DNER: variants seen among roughly 807,000 people sequenced by gnomAD.
DNER encodes the protein delta and Notch-like epidermal growth factor-related receptor.
A neutral mutation model predicts 78.2 loss-of-function variants in DNER; 33 were observed. The observed-to-expected ratio is 0.42, with a 90% CI of 0.32 to 0.56. The LOEUF is 0.56. Ranked by LOEUF, DNER falls within the 20% of genes least tolerant of loss-of-function variation. DNER has a pLI of 0.11. For missense variants in DNER, 918 were observed against 975.3 expected, an observed-to-expected ratio of 0.94 and a Z score of 0.78; for synonymous variants, 417 against 384.8, an observed-to-expected ratio of 1.08 and a Z score of -0.98.
At chr2:229,428,835 G>A (rs1693942727) in intron 8 of DNER, among the ~76,000 whole-genome samples, 1 of 152,170 alleles carries the variant, frequency 6.6e-6, no homozygotes, top group African/African-American at 2.4e-5. Flanking sequence ...GGCAGAAAAA[G>A]AGAGAGCAGG....
intron 1 of DNER, among the ~76,000 whole-genome samples, chr2:229,649,906 C>T (rs1009422892): frequency 6.6e-6 from 1 of 151,938 alleles, no homozygotes; most frequent in Non-Finnish European, 1.5e-5. Context: ...AACCCCATCT[C>T]TACTGAAAAT....
intron 10 of DNER, among the ~76,000 whole-genome samples, chr2:229,403,166 G>A (rs906047575): frequency 6.6e-6 from 1 of 152,184 alleles, no homozygotes; most frequent in Admixed American, 6.5e-5. Context: ...ACACTCAGTA[G>A]CTGGCCAAGT....
Position 229,406,787 on chromosome 2 carries a change from G to A in DNER, c.1723+445C>T, listed in dbSNP as rs568464676. 9.9e-5 allele frequency among the ~76,000 whole-genome samples: 15 copies of A among 151,142 alleles called. No homozygotes were observed. The South Asian group carries it at 1.1e-3, about 11-fold the overall frequency. On this transcript the variant is annotated intron_variant, in intron 10 of 12. Transcript: ENST00000341772. ...TTTCTGGAGAAGCCAGTCCTGCCCCGCCAATCTCGCCTCCCATCCCACTCT... is the reference window on the plus strand; with the variant it reads ...TTTCTGGAGAAGCCAGTCCTGCCCCACCAATCTCGCCTCCCATCCCACTCT...
chr2:229,442,338 AC>A (rs1291258597), intron 8 of DNER, among the ~76,000 whole-genome samples: 2 of 152,194 alleles, frequency 1.3e-5, no homozygotes, highest in South Asian at 4.2e-4. Context: ...ACACAGTGAA[AC>A]CCCATCTTTA....
rs112641134 is a variant in DNER at position 229,427,814 on chromosome 2, C to T, written c.1487-9584G>A. Among the ~76,000 whole-genome samples, 1,248 of 152,248 alleles carry T rather than the reference C, an allele frequency of 8.2e-3. 22 individuals carry two copies. The highest frequency in any genetic ancestry group is 0.029 in the African/African-American group (1,191 of 41,548). On this transcript the variant is annotated intron_variant, in intron 8 of 12. Coordinates refer to ENST00000341772, the MANE Select transcript of DNER (RefSeq NM_139072.4). ...ACACTGGGCTGGGCATGGTGGCTCA[C>T]GCCTGTAATCCCAGCACTTTGGGAG...
chr2:229,582,599 G>C (rs1697420695), intron 4 of DNER, among the ~76,000 whole-genome samples: 1 of 152,208 alleles, frequency 6.6e-6, no homozygotes, highest in South Asian at 2.1e-4. Context: ...ATAATCAAAA[G>C]TATAATTTGG....
intron 1 of DNER, among the ~76,000 whole-genome samples, chr2:229,620,585 C>T (rs889899324): frequency 4.6e-5 from 7 of 152,236 alleles, no homozygotes; most frequent in African/African-American, 1.7e-4. Context: ...CCTGCAGACA[C>T]AAACGTTCTC....
At chr2:229,469,550 T>C (rs1694878311) in intron 7 of DNER, among the ~76,000 whole-genome samples, 1 of 152,180 alleles carries the variant, frequency 6.6e-6, no homozygotes. Flanking sequence ...TTAAGTAAAT[T>C]GTTCAAGGTC....
At chr2:229,700,298 G>GCA (rs1189033947) in intron 1 of DNER, among the ~76,000 whole-genome samples, 8 of 150,668 alleles carry the variant, frequency 5.3e-5, no homozygotes, top group South Asian at 2.1e-4. Flanking sequence ...GTGTGTGTGT[G>GCA]TGTGTGTGTG....
intron 10 of DNER, among the ~76,000 whole-genome samples, chr2:229,389,867 T>C (rs1305296547): frequency 6.6e-6 from 1 of 152,236 alleles, no homozygotes; most frequent in Non-Finnish European, 1.5e-5. Flanking sequence ...AATTCAGTAA[T>C]ATATACGTGA....
At chr2:229,367,717 C>T (rs1692382832) in intron 11 of DNER, among the ~76,000 whole-genome samples, 1 of 152,108 alleles carries the variant, frequency 6.6e-6, no homozygotes, top group African/African-American at 2.4e-5. Flanking sequence ...AAGTACAATT[C>T]CTCTATCAGC....
intron 1 of DNER, among the ~76,000 whole-genome samples, chr2:229,606,678 A>G (rs1269275612): frequency 2.0e-5 from 3 of 152,084 alleles, no homozygotes; most frequent in Admixed American, 6.6e-5. Context: ...GGATCACTGG[A>G]GGTCAAGAGT....
At chr2:229,517,714 G>A (rs1036778218) in intron 5 of DNER, among the ~76,000 whole-genome samples, 4 of 152,196 alleles carry the variant, frequency 2.6e-5, no homozygotes, top group Admixed American at 6.5e-5. Flanking sequence ...AAGACATTTG[G>A]CAATGTCTGG....
intron 8 of DNER, among the ~76,000 whole-genome samples, chr2:229,433,379 T>C (rs1175206975): frequency 1.3e-5 from 2 of 152,086 alleles, no homozygotes; most frequent in Non-Finnish European, 1.5e-5. Flanking sequence ...CTACCAGCCA[T>C]CGGCACATGG....
At chr2:229,549,502 T>C (rs1696688570) in intron 4 of DNER, among the ~76,000 whole-genome samples, 1 of 152,146 alleles carries the variant, frequency 6.6e-6, no homozygotes, top group Admixed American at 6.5e-5. Context: ...TGTCACCATG[T>C]TGGCCAGACT....
intron 1 of DNER, among the ~76,000 whole-genome samples, chr2:229,691,256 A>C (rs1699565996): frequency 6.6e-6 from 1 of 152,172 alleles, no homozygotes. Flanking sequence ...CTATAGTTAG[A>C]TTTTGTATTT....
intron 6 of DNER, among the ~76,000 whole-genome samples, chr2:229,491,178 G>A (rs1018033892): frequency 6.6e-6 from 1 of 152,286 alleles, no homozygotes; most frequent in East Asian, 1.9e-4. Flanking sequence ...CTTCAAACAC[G>A]CTGGGCATAT....
intron 1 of DNER, among the ~76,000 whole-genome samples, chr2:229,643,464 A>G (rs1468771938): frequency 6.6e-6 from 1 of 152,230 alleles, no homozygotes; most frequent in Non-Finnish European, 1.5e-5. Flanking sequence ...ATCCCTGCCC[A>G]GTCTTGAACT....
Position 229,591,265 on chromosome 2 carries a change from A to G in DNER, c.585+315T>C, listed in dbSNP as rs1238216896. On this transcript the variant is annotated intron_variant, in intron 2 of 12. Transcript: ENST00000341772. This position sits in a 1 kb window ranked among gnomAD's most constrained non-coding sequence, Gnocchi z 4.6. ...ACTCCCAGAAAGGAAAATAAGGTCA[A>G]TGATGGAGGGTCCTATGACATGTTC... is the stretch of plus-strand genomic sequence containing the variant. Among the ~76,000 whole-genome samples, 8 of 152,240 alleles carry G rather than the reference A, an allele frequency of 5.3e-5. No homozygotes were observed. The highest frequency in any genetic ancestry group is 1.0e-4 in the Non-Finnish European group (7 of 68,038).
Sources: gnomAD v4.1 joint callset for allele counts (sites outside exome capture counted in the v4.1 genomes callset) on GRCh38, gnomAD v4.1.1 for gene constraint, Gnocchi (gnomAD v3.1) non-coding constraint, MANE v1.5 for transcripts, NCBI Gene and HGNC (gene_info 2026-07-23, HGNC 2026-07-21) for gene names.